Variants in ATL2 observed in about 807,000 individuals in gnomAD.
ATL2 encodes the protein atlastin-2.
Under a neutral mutation model 73.9 loss-of-function variants are expected in ATL2, and 31 were observed. That is an observed-to-expected ratio of 0.42 (90% CI 0.32 to 0.57). The LOEUF (loss-of-function observed/expected upper bound fraction) is 0.57, where lower values mean the gene tolerates loss of function less well. ATL2 is among the 20% of genes least tolerant of loss of function. ATL2 has a pLI of 0.14. For synonymous variants in ATL2, 291 were observed against 237.5 expected, an observed-to-expected ratio of 1.23 and a Z score of -2.07; for missense variants, 738 against 702.6, an observed-to-expected ratio of 1.05 and a Z score of -0.57.
intron 9 of ATL2, 132 bp downstream of exon 9, chr2:38,309,247 G>C: frequency 2.3e-6 from 2 of 879,024 alleles, no homozygotes; most frequent in Non-Finnish European, 3.3e-6. Flanking sequence ...TCTAATTCAA[G>C]GCAGAAAGAT....
chr2:38,372,857 T>C (rs72907880), intron 1 of ATL2, among the ~76,000 whole-genome samples: 2,811 of 152,310 alleles, frequency 0.018, 94 homozygotes, highest in African/African-American at 0.065. Context: ...CATGAACATA[T>C]TATCAGCATT....
chr2:38,329,126 A>T (rs1396760542), intron 2 of ATL2, among the ~76,000 whole-genome samples: 123 of 121,354 alleles, frequency 1.0e-3, no homozygotes, highest in Non-Finnish European at 1.6e-3. Flanking sequence ...TCATCTATTT[A>T]AAAAAAAAAA....
At chr2:38,296,450 A>G in intron 12 of ATL2, 5 of 1,573,024 alleles carry the variant, frequency 3.2e-6, no homozygotes, top group Non-Finnish European at 4.3e-6. Context: ...AAGTGTGAAC[A>G]CTTCAGATAG....
At chr2:38,296,604 T>G in intron 12 of ATL2, 9 of 1,613,090 alleles carry the variant, frequency 5.6e-6, no homozygotes, top group Non-Finnish European at 7.6e-6. Flanking sequence ...AAACATGAAG[T>G]GATTTGTTAG....
intron 1 of ATL2, among the ~76,000 whole-genome samples, chr2:38,357,701 AG>A (rs1331371200): frequency 6.7e-6 from 1 of 149,486 alleles, no homozygotes; most frequent in East Asian, 2.0e-4. Context: ...TATATTGGGG[AG>A]GAAAAGCATT....
At chr2:38,352,261 A>T (rs1670401562) in intron 1 of ATL2, among the ~76,000 whole-genome samples, 1 of 150,096 alleles carries the variant, frequency 6.7e-6, no homozygotes, top group Admixed American at 6.7e-5. Flanking sequence ...TGGGGGAGGG[A>T]GGATATTTGA....
At chr2:38,343,175 AAAAGATATAGTTCT>A in intron 2 of ATL2, 79 bp downstream of exon 2, 1 of 740,108 alleles carries the variant, frequency 1.4e-6, no homozygotes, top group Non-Finnish European at 1.9e-6. Context: ...AAAAAAAAAA[AAAAGATATAGTTCT>A]GGTTTTTGTC....
intron 9 of ATL2, among the ~76,000 whole-genome samples, chr2:38,303,690 GA>G (rs1486753303): frequency 6.6e-6 from 1 of 152,184 alleles, no homozygotes; most frequent in Admixed American, 6.5e-5. Flanking sequence ...GACAGCGGTA[GA>G]AAGTTTATAC....
upstream of ATL2, chr2:38,377,381 C>G (rs369607493): frequency 2.4e-4 from 176 of 725,618 alleles, no homozygotes; most frequent in East Asian, 5.2e-3. Flanking sequence ...TGTATCTCCT[C>G]GCCCTCCGCC....
chr2:38,358,651 C>A (rs113933353), intron 1 of ATL2: 6,884 of 187,650 alleles, frequency 0.037, 516 homozygotes, highest in African/African-American at 0.15. Context: ...GAGACCGTGC[C>A]ACTGCACCCC....
At chr2:38,305,198 G>A (rs1187247993) in intron 9 of ATL2, among the ~76,000 whole-genome samples, 10 of 152,232 alleles carry the variant, frequency 6.6e-5, no homozygotes, top group Admixed American at 5.2e-4. Flanking sequence ...ACCCAACACT[G>A]GAGCACCCAG....
At chr2:38,309,295 G>A in intron 9 of ATL2, 84 bp downstream of exon 9, 4 of 1,311,864 alleles carry the variant, frequency 3.0e-6, no homozygotes, top group Admixed American at 2.6e-5. Context: ...TTAAAATAAA[G>A]ACAAGAAATT....
chr2:38,325,291 A>G (rs1285933680), intron 2 of ATL2, among the ~76,000 whole-genome samples: 1 of 152,148 alleles, frequency 6.6e-6, no homozygotes, highest in Non-Finnish European at 1.5e-5. Flanking sequence ...CACAGGTCAA[A>G]CCATCCCTGC....
At chr2:38,367,244 A>G (rs1327862397) in intron 1 of ATL2, among the ~76,000 whole-genome samples, 2 of 152,046 alleles carry the variant, frequency 1.3e-5, no homozygotes, top group Admixed American at 6.6e-5. Context: ...CCACGCTACT[A>G]GGCACTGAAA....
Position 38,310,574 on chromosome 2 carries a change from T to C in ATL2, c.805-127A>G, listed in dbSNP as rs1366592726. On this transcript the variant is annotated intron_variant, in intron 7 of 12. Coordinates refer to ENST00000378954, the MANE Select transcript of ATL2 (RefSeq NM_001135673.4). ...AGATGGTACTCCTAAGGAGTCTTTT[T>C]TGACAATACAAAAAATTATGAAGGC... 1.5e-5 allele frequency: 10 copies of C among 670,834 alleles called. No individual in the cohort carries two copies. In the Admixed American group the frequency reaches 4.1e-4, roughly 28 times the overall value. The allele number at this position is 670,834 out of a possible 1,614,324, so 41.6% of individuals were successfully genotyped here.
chr2:38,347,237 G>C (rs1292337619), intron 1 of ATL2, among the ~76,000 whole-genome samples: 1 of 152,180 alleles, frequency 6.6e-6, no homozygotes, highest in African/African-American at 2.4e-5. Context: ...CTCCATAGCA[G>C]AGGGCCTTAT....
chr2:38,370,846 T>C (rs1202478937), intron 1 of ATL2, among the ~76,000 whole-genome samples: 9 of 150,286 alleles, frequency 6.0e-5, no homozygotes, highest in South Asian at 2.1e-4. Context: ...CCTAGCTACA[T>C]AGTAAGCTGA....
intron 1 of ATL2, among the ~76,000 whole-genome samples, chr2:38,369,678 G>C (rs1671554132): frequency 6.6e-6 from 1 of 151,938 alleles, no homozygotes. Context: ...CTTGAGCCCA[G>C]AAGGTGGAGG....
At chr2:38,335,149 G>T (rs1669279702) in intron 2 of ATL2, among the ~76,000 whole-genome samples, 1 of 151,506 alleles carries the variant, frequency 6.6e-6, no homozygotes, top group Non-Finnish European at 1.5e-5. Flanking sequence ...TGATGGAAGT[G>T]TAAAATTAAT....
Sources: allele counts gnomAD v4.1 joint callset (sites outside exome capture counted in the v4.1 genomes callset), GRCh38; gene constraint gnomAD v4.1.1; transcripts MANE v1.5; gene names NCBI Gene and HGNC (gene_info 2026-07-23, HGNC 2026-07-21).